The following DPYD variants were observed in gnomAD, a reference collection of about 807,000 sequenced individuals.
DPYD encodes dihydropyrimidine dehydrogenase [NADP(+)].
Under a neutral mutation model 116.2 loss-of-function variants are expected in DPYD, and 109 were observed. That is an observed-to-expected ratio of 0.94 (90% CI 0.80 to 1.10). The LOEUF is 1.10. Ranked by LOEUF, DPYD falls within the 50% of genes least tolerant of loss-of-function variation. DPYD has a pLI of 0.00. For missense variants in DPYD, 1,302 were observed against 1,254.5 expected (o/e 1.04, Z -0.57); for synonymous variants, 440 against 432.0 (o/e 1.02, Z -0.23).
intron 13 of DPYD, among the ~76,000 whole-genome samples, chr1:97,487,310 G>T (rs149511490): frequency 6.6e-6 from 1 of 152,006 alleles, no homozygotes; most frequent in African/African-American, 2.4e-5. Flanking sequence ...TACTAAGGAG[G>T]ATATATAAAT....
At chr1:97,159,745 A>G (rs1655751149) in intron 20 of DPYD, among the ~76,000 whole-genome samples, 1 of 152,074 alleles carries the variant, frequency 6.6e-6, no homozygotes, top group Admixed American at 6.6e-5. Context: ...AAAATGGGAA[A>G]ATAACAAAAA....
At chr1:97,638,293 G>A (rs1657684264) in intron 8 of DPYD, among the ~76,000 whole-genome samples, 1 of 152,108 alleles carries the variant, frequency 6.6e-6, no homozygotes, top group Non-Finnish European at 1.5e-5. Flanking sequence ...CACATCCCCT[G>A]AAGTTATGCT....
chr1:97,853,528 C>T (rs549802533), intron 2 of DPYD, among the ~76,000 whole-genome samples: 3 of 152,290 alleles, frequency 2.0e-5, no homozygotes, highest in East Asian at 1.9e-4. Context: ...ACATATTACA[C>T]TACATGTGGC....
chr1:97,667,152 T>C (rs1659611820), intron 8 of DPYD, among the ~76,000 whole-genome samples: 1 of 152,170 alleles, frequency 6.6e-6, no homozygotes, highest in African/African-American at 2.4e-5. Context: ...TTGATATCTG[T>C]TCATTTATAG....
intron 20 of DPYD, among the ~76,000 whole-genome samples, chr1:97,146,629 C>A (rs1237015281): frequency 6.6e-6 from 1 of 152,202 alleles, no homozygotes; most frequent in African/African-American, 2.4e-5. Flanking sequence ...CTCTTCCATT[C>A]TTTTCTAGCC....
intron 8 of DPYD, among the ~76,000 whole-genome samples, chr1:97,596,156 A>T (rs1168124626): frequency 1.3e-5 from 2 of 152,140 alleles, no homozygotes; most frequent in African/African-American, 4.8e-5. Context: ...AGAAAAAGAC[A>T]ACAGAACGAA....
chr1:97,840,187 A>C (rs1448582829), intron 2 of DPYD, among the ~76,000 whole-genome samples: 2 of 152,136 alleles, frequency 1.3e-5, no homozygotes, highest in Non-Finnish European at 2.9e-5. Flanking sequence ...ATCAAAATAT[A>C]AATCAGGAGA....
At chr1:97,385,769 G>C (rs72728450) in intron 14 of DPYD, among the ~76,000 whole-genome samples, 29,177 of 152,000 alleles carry the variant, frequency 0.19, 2,979 homozygotes, top group South Asian at 0.37. Flanking sequence ...GAAATCCACA[G>C]CAGGGAAGCA....
intron 3 of DPYD, among the ~76,000 whole-genome samples, chr1:97,808,551 C>G (rs1276711848): frequency 6.6e-6 from 1 of 152,024 alleles, no homozygotes; most frequent in Non-Finnish European, 1.5e-5. Context: ...CCTACATGGA[C>G]AATCATGTCA....
intron 20 of DPYD, among the ~76,000 whole-genome samples, chr1:97,143,291 T>C (rs961743065): frequency 1.3e-5 from 2 of 152,156 alleles, no homozygotes; most frequent in African/African-American, 2.4e-5. Flanking sequence ...ATTGGAATCC[T>C]GTAGGGCATC....
At chr1:97,626,185 C>A (rs980580866) in intron 8 of DPYD, among the ~76,000 whole-genome samples, 1 of 151,926 alleles carries the variant, frequency 6.6e-6, no homozygotes, top group South Asian at 2.1e-4. Context: ...GGTGCCAAGT[C>A]CAGAGTCTCT....
At chr1:97,702,898 C>T (rs1462530924) in intron 5 of DPYD, among the ~76,000 whole-genome samples, 1 of 151,692 alleles carries the variant, frequency 6.6e-6, no homozygotes, top group East Asian at 1.9e-4. Flanking sequence ...TTTACAGAAT[C>T]CCTATTAAGT....
intron 13 of DPYD, among the ~76,000 whole-genome samples, chr1:97,451,210 T>A (rs1017602939): frequency 6.6e-5 from 10 of 152,108 alleles, no homozygotes; most frequent in African/African-American, 2.4e-4. Context: ...CTAACTGGAT[T>A]TCATAACATT....
At chr1:97,774,185 G>A (rs947253913) in intron 3 of DPYD, among the ~76,000 whole-genome samples, 2 of 152,134 alleles carry the variant, frequency 1.3e-5, no homozygotes, top group Non-Finnish European at 2.9e-5. Context: ...ATAAGAGAAC[G>A]TTTCCTGTTT....
chr1:97,664,531 CATA>C (rs1382946923), intron 8 of DPYD, among the ~76,000 whole-genome samples: 3 of 151,912 alleles, frequency 2.0e-5, no homozygotes, highest in African/African-American at 7.2e-5. Flanking sequence ...TGTATATCTA[CATA>C]ATATATATAT....
At chr1:97,345,481 G>A (rs115810630) in intron 16 of DPYD, among the ~76,000 whole-genome samples, 1,709 of 151,996 alleles carry the variant, frequency 0.011, 35 homozygotes, top group African/African-American at 0.039. Context: ...CTTTCACCAA[G>A]CAAAATTTCA....
At chr1:97,877,213 G>C (rs1388502835) in intron 2 of DPYD, among the ~76,000 whole-genome samples, 1 of 151,906 alleles carries the variant, frequency 6.6e-6, no homozygotes, top group Non-Finnish European at 1.5e-5. Flanking sequence ...GATAGAAAGG[G>C]TTCTAATGAA....
At chr1:97,733,337 A>T (rs968779204) in intron 4 of DPYD, among the ~76,000 whole-genome samples, 6 of 152,062 alleles carry the variant, frequency 3.9e-5, no homozygotes, top group African/African-American at 1.4e-4. Context: ...AGTCATTTAG[A>T]GATTTATAAG....
At chr1:97,775,844 T>C (rs1328916681) in intron 3 of DPYD, among the ~76,000 whole-genome samples, 2 of 152,210 alleles carry the variant, frequency 1.3e-5, no homozygotes, top group Admixed American at 6.5e-5. Flanking sequence ...GGTCATCATT[T>C]ATCCTGAATA....
Sources: gnomAD v4.1 joint callset for allele counts (sites outside exome capture counted in the v4.1 genomes callset) on GRCh38, gnomAD v4.1.1 for gene constraint, MANE v1.5 for transcripts, NCBI Gene and HGNC (gene_info 2026-07-23, HGNC 2026-07-21) for gene names.